GABRG3: variants seen among roughly 807,000 people sequenced by gnomAD.
GABRG3 encodes gamma-aminobutyric acid receptor subunit gamma-3.
In GABRG3, 25 loss-of-function variants were observed where a neutral mutation model predicts 48.8. The observed-to-expected ratio is 0.51, with a 90% CI of 0.37 to 0.72. The LOEUF is 0.72. Among genes scored for constraint, GABRG3 ranks in the 30% least tolerant of loss-of-function variants. The pLI, the probability that GABRG3 is intolerant of heterozygous loss-of-function variation, is 0.00. For missense variants in GABRG3, 394 were observed against 577.9 expected (o/e 0.68, Z 3.26); for synonymous variants, 227 against 217.6 (o/e 1.04, Z -0.38).
intron 2 of GABRG3, among the ~76,000 whole-genome samples, chr15:27,015,542 A>G (rs971379492): frequency 2.6e-5 from 4 of 151,280 alleles, no homozygotes; most frequent in Non-Finnish European, 5.9e-5. Flanking sequence ...CCACCACCAC[A>G]CCTGGCTAAT....
intron 2 of GABRG3, among the ~76,000 whole-genome samples, chr15:27,010,166 C>T (rs1419278292): frequency 2.0e-5 from 3 of 152,138 alleles, no homozygotes; most frequent in Non-Finnish European, 4.4e-5. Flanking sequence ...GTGTTGCACA[C>T]AAGGCTGATA....
At chr15:27,065,633 A>G (rs1319047123) in intron 3 of GABRG3, among the ~76,000 whole-genome samples, 5 of 152,200 alleles carry the variant, frequency 3.3e-5, no homozygotes, top group Non-Finnish European at 4.4e-5. Context: ...TTGATAAAAG[A>G]TGTGTAGCAT....
In GABRG3 at chr15:27,345,651, A is replaced by G. The variant is rs146660470; in HGVS notation, c.574+16763A>G. Among the ~76,000 whole-genome samples, 31 of 152,322 alleles carry G rather than the reference A, an allele frequency of 2.0e-4. No individual in the cohort carries two copies. The East Asian group carries it at 5.0e-3, about 25-fold the overall frequency. On this transcript the variant is annotated intron_variant, in intron 5 of 9. Coordinates refer to ENST00000615808, the MANE Select transcript of GABRG3 (RefSeq NM_033223.5). ...TCTCTAGTACTCCTTTCTTTTTTAT[A>G]TAGATCTAAGTTTCTGGCACGCCAC...
At chr15:26,990,129 G>T (rs534500353) in intron 2 of GABRG3, among the ~76,000 whole-genome samples, 201 of 152,152 alleles carry the variant, frequency 1.3e-3, no homozygotes, top group Middle Eastern at 6.8e-3. Context: ...CCTTTATTTT[G>T]GGTATATACC....
At chr15:27,529,753 A>C (rs935416314) in intron 9 of GABRG3, among the ~76,000 whole-genome samples, 21 of 152,112 alleles carry the variant, frequency 1.4e-4, no homozygotes, top group African/African-American at 4.1e-4. Flanking sequence ...ACATCATCAC[A>C]CATAGCCAGC....
At chr15:27,099,002 A>C (rs1041528965) in intron 3 of GABRG3, among the ~76,000 whole-genome samples, 1 of 152,146 alleles carries the variant, frequency 6.6e-6, no homozygotes, top group East Asian at 1.9e-4. Flanking sequence ...AATATGTCCA[A>C]AGTGCCGAGG....
chr15:27,455,473 GTA>G (rs989974213), intron 5 of GABRG3, among the ~76,000 whole-genome samples: 2 of 149,228 alleles, frequency 1.3e-5, no homozygotes, highest in African/African-American at 5.0e-5. Context: ...AGTTTGCATG[GTA>G]TGTGTGTGAT....
chr15:27,386,572 T>A (rs1252953859), intron 5 of GABRG3, among the ~76,000 whole-genome samples: 1 of 152,090 alleles, frequency 6.6e-6, no homozygotes, highest in Non-Finnish European at 1.5e-5. Flanking sequence ...GGAGAATTTT[T>A]CTGTGCTCTG....
At chr15:27,275,069 C>T (rs569898897) in intron 3 of GABRG3, among the ~76,000 whole-genome samples, 2 of 152,214 alleles carry the variant, frequency 1.3e-5, no homozygotes, top group African/African-American at 2.4e-5. Flanking sequence ...GGAGCCACAG[C>T]GTGCTGCCTG....
At chr15:27,121,478 G>A (rs993774143) in intron 3 of GABRG3, among the ~76,000 whole-genome samples, 3 of 152,206 alleles carry the variant, frequency 2.0e-5, no homozygotes, top group Non-Finnish European at 4.4e-5. Flanking sequence ...TCAGTCAATA[G>A]CTATATGCAT....
intron 2 of GABRG3, among the ~76,000 whole-genome samples, chr15:26,990,050 A>T (rs1039590530): frequency 3.9e-5 from 6 of 152,206 alleles, no homozygotes; most frequent in Non-Finnish European, 7.4e-5. Context: ...GTTGCTTCCA[A>T]ATCTTGGCTA....
At chr15:26,994,245 G>C (rs903428592) in intron 2 of GABRG3, among the ~76,000 whole-genome samples, 1 of 151,584 alleles carries the variant, frequency 6.6e-6, no homozygotes, top group Non-Finnish European at 1.5e-5. Context: ...ATGCTGTTTT[G>C]TTACAGATAT....
chr15:27,217,022 G>A (rs1188154270), intron 3 of GABRG3, among the ~76,000 whole-genome samples: 2 of 142,408 alleles, frequency 1.4e-5, no homozygotes, highest in African/African-American at 5.3e-5. Context: ...GTGAGAATAT[G>A]CGGTGTTTGG....
chr15:27,087,639 A>G lies in GABRG3; in HGVS notation c.270+60818A>G, dbSNP rs544938141. Among the ~76,000 whole-genome samples the G allele has an allele frequency of 9.9e-5, 15 of 152,128 alleles. No individual in the cohort carries two copies. In the South Asian group the frequency reaches 3.1e-3, roughly 32 times the overall value. Reference sequence around the variant, plus strand: ...CATGTATGCAAATGTGTGAGATTGTATGTGCTGTGCATGCATCTGTGTGTG... The same window carrying G: ...CATGTATGCAAATGTGTGAGATTGTGTGTGCTGTGCATGCATCTGTGTGTG... On this transcript the variant is annotated intron_variant, in intron 3 of 9. Coordinates refer to ENST00000615808, the MANE Select transcript of GABRG3 (RefSeq NM_033223.5).
At chr15:27,308,167 T>TGTGTTTATACATCCAAACATATATAAAC (rs1595663888) in intron 3 of GABRG3, among the ~76,000 whole-genome samples, 1 of 21,282 alleles carries the variant, frequency 4.7e-5, no homozygotes, top group Non-Finnish European at 9.0e-5. Flanking sequence ...TATAAACATA[T>TGTGTTTATACATCCAAACATATATAAAC]ATGTTTATAT....
intron 5 of GABRG3, among the ~76,000 whole-genome samples, chr15:27,393,066 C>T (rs573570127): frequency 6.6e-6 from 1 of 152,258 alleles, no homozygotes; most frequent in South Asian, 2.1e-4. Context: ...TGGATGTGGT[C>T]TGGGCGCAGT....
intron 5 of GABRG3, among the ~76,000 whole-genome samples, chr15:27,456,733 C>T (rs996233289): frequency 1.3e-5 from 2 of 152,102 alleles, no homozygotes; most frequent in African/African-American, 4.8e-5. Flanking sequence ...GTGATGGGAC[C>T]CACCGTCTCC....
chr15:27,405,234 C>G (rs1887595308), intron 5 of GABRG3, among the ~76,000 whole-genome samples: 1 of 152,060 alleles, frequency 6.6e-6, no homozygotes, highest in African/African-American at 2.4e-5. Flanking sequence ...TGATTAAGAA[C>G]ATAAATATGA....
chr15:27,323,165 A>G (rs1385455423), intron 3 of GABRG3, among the ~76,000 whole-genome samples: 2 of 152,242 alleles, frequency 1.3e-5, no homozygotes, highest in Non-Finnish European at 2.9e-5. Flanking sequence ...TAGACTAAAA[A>G]GGCTCATTCA....
Sources: allele counts gnomAD v4.1 joint callset (sites outside exome capture counted in the v4.1 genomes callset), GRCh38; gene constraint gnomAD v4.1.1; transcripts MANE v1.5; gene names NCBI Gene and HGNC (gene_info 2026-07-23, HGNC 2026-07-21).